Variants in TASP1 observed in about 807,000 individuals in gnomAD.
The protein encoded by TASP1 is threonine aspartase 1.
In TASP1, 16 loss-of-function variants were observed where a neutral mutation model predicts 56.6. That is an observed-to-expected ratio of 0.28 (90% confidence interval 0.19 to 0.43). The LOEUF is 0.43. TASP1 is among the 20% of genes least tolerant of loss of function. TASP1 has a pLI of 1.00. For synonymous variants in TASP1, 179 were observed against 184.2 expected, an observed-to-expected ratio of 0.97 and a Z score of 0.23; for missense variants, 393 against 511.6, an observed-to-expected ratio of 0.77 and a Z score of 2.24.
chr20:13,422,558 T>C (rs2042481182), intron 12 of TASP1, among the ~76,000 whole-genome samples: 1 of 152,214 alleles, frequency 6.6e-6, no homozygotes, highest in Non-Finnish European at 1.5e-5. Flanking sequence ...TCACCACTAA[T>C]AGCACTATAA....
chr20:13,227,760 T>G, the TASP1 span, among the ~76,000 whole-genome samples: 20 of 146,310 alleles, frequency 1.4e-4, no homozygotes, highest in Middle Eastern at 7.6e-3. Context: ...CTCTCGCCTC[T>G]GCCTCCCAAA....
the TASP1 span, among the ~76,000 whole-genome samples, chr20:13,373,048 A>G: frequency 6.6e-6 from 1 of 152,066 alleles, no homozygotes; most frequent in Non-Finnish European, 1.5e-5. Context: ...AACAAAGAAG[A>G]GTAGGTATTT....
chr20:13,225,725 T>A, the TASP1 span, among the ~76,000 whole-genome samples: 1 of 152,244 alleles, frequency 6.6e-6, no homozygotes, highest in Non-Finnish European at 1.5e-5. Flanking sequence ...GAAAACTATC[T>A]GCAGTAGCTG....
chr20:13,485,716 G>A (rs1334552884), intron 10 of TASP1, among the ~76,000 whole-genome samples: 3 of 152,130 alleles, frequency 2.0e-5, no homozygotes, highest in Non-Finnish European at 2.9e-5. Flanking sequence ...AAGAAATCAC[G>A]TTGGACACTT....
At chr20:13,179,814 G>C in the TASP1 span, among the ~76,000 whole-genome samples, 1 of 152,158 alleles carries the variant, frequency 6.6e-6, no homozygotes, top group Non-Finnish European at 1.5e-5. Context: ...CCACTCTGGA[G>C]AGTCTCCAGA....
At chr20:13,351,840 T>C in the TASP1 span, among the ~76,000 whole-genome samples, 1 of 152,238 alleles carries the variant, frequency 6.6e-6, no homozygotes, top group African/African-American at 2.4e-5. Context: ...CTATTTTTAA[T>C]AGAACATTTG....
At chr20:13,214,588 GACAGAAAGACAGAGAC>G in the TASP1 span, among the ~76,000 whole-genome samples, 1 of 151,098 alleles carries the variant, frequency 6.6e-6, no homozygotes, top group Non-Finnish European at 1.5e-5. Context: ...GAGAGAGAGA[GACAGAAAGACAGAGAC>G]AGAGAGAGAG....
At chr20:13,527,325 A>G (rs1166294353) in intron 10 of TASP1, among the ~76,000 whole-genome samples, 1 of 152,142 alleles carries the variant, frequency 6.6e-6, no homozygotes, top group Non-Finnish European at 1.5e-5. Context: ...GGCAGAAACC[A>G]ATGTGATAAG....
chr20:13,296,744 G>T, the TASP1 span, among the ~76,000 whole-genome samples: 1 of 152,194 alleles, frequency 6.6e-6, no homozygotes, highest in Non-Finnish European at 1.5e-5. Context: ...TGTCAGCCAG[G>T]CGTGGTGGCT....
intron 12 of TASP1, among the ~76,000 whole-genome samples, chr20:13,419,201 G>T (rs1320980772): frequency 6.6e-6 from 1 of 152,160 alleles, no homozygotes; most frequent in Non-Finnish European, 1.5e-5. Context: ...GAATAAAGGA[G>T]CCTGATGTCT....
chr20:13,168,647 A>C, the TASP1 span: 2 of 152,218 alleles, frequency 1.3e-5, no homozygotes, highest in African/African-American at 4.8e-5. Flanking sequence ...AGCAAATGTT[A>C]TAAATGGCCT....
At chr20:13,461,493 G>A (rs923257708) in intron 11 of TASP1, among the ~76,000 whole-genome samples, 18 of 152,110 alleles carry the variant, frequency 1.2e-4, no homozygotes, top group Admixed American at 2.0e-4. Flanking sequence ...GAGCCACCCC[G>A]ATGGAAGGGC....
chr20:13,517,394 C>T (rs965326117), intron 10 of TASP1, among the ~76,000 whole-genome samples: 3 of 151,952 alleles, frequency 2.0e-5, no homozygotes, highest in Admixed American at 6.6e-5. Flanking sequence ...TCCTTCATAT[C>T]CTTTAAAATT....
intron 12 of TASP1, among the ~76,000 whole-genome samples, chr20:13,422,597 T>G (rs969671593): frequency 1.3e-5 from 2 of 152,208 alleles, no homozygotes; most frequent in Admixed American, 1.3e-4. Context: ...TTATCCAAAA[T>G]GCACATTTTT....
At chr20:13,452,537 TAC>T (rs1402404214) in intron 11 of TASP1, among the ~76,000 whole-genome samples, 2 of 151,942 alleles carry the variant, frequency 1.3e-5, no homozygotes, top group Non-Finnish European at 2.9e-5. Flanking sequence ...TTCATATATA[TAC>T]ATATTCCATA....
the TASP1 span, among the ~76,000 whole-genome samples, chr20:13,259,036 A>G: frequency 6.6e-6 from 1 of 152,106 alleles, no homozygotes; most frequent in Non-Finnish European, 1.5e-5. Flanking sequence ...TAATCCCAAC[A>G]CTTTGGGAGG....
the TASP1 span, chr20:13,160,079 G>A: frequency 1.9e-6 from 3 of 1,613,836 alleles, no homozygotes; most frequent in East Asian, 2.2e-5. Flanking sequence ...CCTCGCAGAA[G>A]CTCGGGCTCG....
the TASP1 span, among the ~76,000 whole-genome samples, chr20:13,350,203 T>A: frequency 7.0e-6 from 1 of 142,554 alleles, no homozygotes; most frequent in Non-Finnish European, 1.5e-5. Flanking sequence ...AGAATCTGTA[T>A]AATAAAAACT....
Position 13,433,850 on chromosome 20 carries a change from A to AAAAAAAC in TASP1, c.1096+1193_1096+1194insGTTTTTT, listed in dbSNP as rs1555848844. On this transcript the variant is annotated intron_variant, in intron 12 of 13. Transcript: ENST00000337743. ...CCTATAGTGTTTGTATTAAAAAAAA[A>AAAAAAAC]AAAAAAAAAACAGAAGAATGGACTA... Among the ~76,000 whole-genome samples the AAAAAAAC allele has an allele frequency of 3.8e-4, 57 of 151,654 alleles. 1 individual carries two copies. The highest frequency in any genetic ancestry group is 1.3e-3 in the African/African-American group (55 of 41,374).
Sources: allele counts gnomAD v4.1 joint callset (sites outside exome capture counted in the v4.1 genomes callset), GRCh38; gene constraint gnomAD v4.1.1; transcripts MANE v1.5; gene names NCBI Gene and HGNC (gene_info 2026-07-23, HGNC 2026-07-21).